Variants in ZNF678 observed in about 807,000 individuals in gnomAD.
ZNF678 encodes the protein hypothetical protein MGC42493.
A neutral mutation model predicts 3.0 loss-of-function variants in ZNF678; 5 were observed. The ratio of observed to expected loss-of-function variants is 1.69; its 90% CI spans 0.88 to 3.56. The LOEUF is 3.56. Ranked by LOEUF, ZNF678 falls within the 30% of genes most tolerant of loss-of-function variation. ZNF678 has a pLI of 0.00. For missense variants in ZNF678, 593 were observed against 605.0 expected (o/e 0.98, Z 0.21); for synonymous variants, 218 against 199.6 (o/e 1.09, Z -0.78).
chr1:227,637,422 T>A (rs1658707024), intron 1 of ZNF678, among the ~76,000 whole-genome samples: 1 of 152,094 alleles, frequency 6.6e-6, no homozygotes, highest in African/African-American at 2.4e-5. Flanking sequence ...GTTTTAGGCT[T>A]TCAAGGGTGA....
intron 2 of ZNF678, among the ~76,000 whole-genome samples, chr1:227,650,366 A>G (rs953323345): frequency 1.3e-5 from 2 of 151,864 alleles, no homozygotes; most frequent in African/African-American, 2.4e-5. Flanking sequence ...CTTTTTTTGT[A>G]TCTATTTTGT....
chr1:227,617,875 C>T (rs144695914), intron 1 of ZNF678, among the ~76,000 whole-genome samples: 151 of 152,240 alleles, frequency 9.9e-4, no homozygotes, highest in African/African-American at 3.4e-3. Context: ...GCTAGGATGA[C>T]CCATTTTGTG....
At chr1:227,608,349 T>G (rs905311222) in intron 1 of ZNF678, among the ~76,000 whole-genome samples, 8 of 152,106 alleles carry the variant, frequency 5.3e-5, no homozygotes, top group Non-Finnish European at 1.2e-4. Flanking sequence ...TCAACAAAGC[T>G]ATCTTAAAAT....
chr1:227,567,722 T>C (rs1014153338), intron 1 of ZNF678, among the ~76,000 whole-genome samples: 1 of 152,086 alleles, frequency 6.6e-6, no homozygotes, highest in African/African-American at 2.4e-5. Flanking sequence ...TTTTTTATTT[T>C]TTTTCCTCCA....
At chr1:227,604,684 C>T (rs181696386) in intron 1 of ZNF678, among the ~76,000 whole-genome samples, 13 of 152,118 alleles carry the variant, frequency 8.5e-5, no homozygotes, top group South Asian at 2.1e-4. Flanking sequence ...TCACTGCACC[C>T]GGCCTCCCTG....
At chr1:227,635,515 T>TG (rs1658652959) in intron 1 of ZNF678, among the ~76,000 whole-genome samples, 8 of 127,936 alleles carry the variant, frequency 6.3e-5, no homozygotes, top group Non-Finnish European at 1.3e-4. Context: ...GGGTGAACAT[T>TG]TGTGTGTGTG....
chr1:227,677,126 C>G (rs958451247), intron 5 of ZNF678: 1 of 152,152 alleles, frequency 6.6e-6, no homozygotes, highest in African/African-American at 2.4e-5. Context: ...GAACTAGAAT[C>G]AATTCTTAAG....
intron 1 of ZNF678, among the ~76,000 whole-genome samples, chr1:227,635,954 G>A (rs1167441499): frequency 2.0e-5 from 3 of 152,268 alleles, no homozygotes; most frequent in Admixed American, 1.3e-4. Context: ...TACTTCAGGC[G>A]TGACATGGGG....
At chr1:227,578,046 G>A (rs1657030519) in intron 1 of ZNF678, among the ~76,000 whole-genome samples, 1 of 152,154 alleles carries the variant, frequency 6.6e-6, no homozygotes, top group Non-Finnish European at 1.5e-5. Context: ...TTTTCCTTAA[G>A]AATGTCGAAT....
intron 1 of ZNF678, among the ~76,000 whole-genome samples, chr1:227,565,823 GATCTTGGCTCACT>G (rs1344741588): frequency 6.6e-6 from 1 of 152,160 alleles, no homozygotes; most frequent in Non-Finnish European, 1.5e-5. Context: ...GCAGTGGCCT[GATCTTGGCTCACT>G]GCAAGCTCCG....
intron 1 of ZNF678, among the ~76,000 whole-genome samples, chr1:227,630,858 C>T (rs1658531205): frequency 6.6e-6 from 1 of 152,158 alleles, no homozygotes; most frequent in Non-Finnish European, 1.5e-5. Context: ...GCATAAATTA[C>T]ACTTTTTACA....
At chr1:227,616,767 T>G (rs972309317) in intron 1 of ZNF678, among the ~76,000 whole-genome samples, 1 of 152,218 alleles carries the variant, frequency 6.6e-6, no homozygotes, top group Non-Finnish European at 1.5e-5. Context: ...GCATTCATAT[T>G]ATGCAGAAAA....
chr1:227,668,763 G>A (rs981554684), intron 5 of ZNF678, among the ~76,000 whole-genome samples: 1 of 152,134 alleles, frequency 6.6e-6, no homozygotes, highest in Non-Finnish European at 1.5e-5. Context: ...GGATCTATTT[G>A]TATTCTTCTG....
intron 1 of ZNF678, among the ~76,000 whole-genome samples, chr1:227,612,100 G>T (rs1409860250): frequency 5.9e-5 from 9 of 152,122 alleles, no homozygotes; most frequent in African/African-American, 2.2e-4. Flanking sequence ...GCTGCAGCAG[G>T]GGTGTACCTA....
rs138274610 is a variant in ZNF678, at chr1:227,636,067, G to A, written c.-163-10477G>A. On this transcript the variant is annotated intron_variant, in intron 1 of 3. Transcript: ENST00000343776. ...TTGTAGCAGGAGCATCGTCTGGATTGTCTGGCGGTTAACTGTAGTTTTAAC... is the reference window on the plus strand; with the variant it reads ...TTGTAGCAGGAGCATCGTCTGGATTATCTGGCGGTTAACTGTAGTTTTAAC... 5.5e-3 allele frequency among the ~76,000 whole-genome samples: 830 copies of A among 152,260 alleles called. 6 individuals are homozygous for A. The highest frequency in any genetic ancestry group is 0.019 in the African/African-American group (797 of 41,548).
intron 5 of ZNF678, among the ~76,000 whole-genome samples, chr1:227,669,272 C>T (rs1659559731): frequency 6.6e-6 from 1 of 152,142 alleles, no homozygotes. Flanking sequence ...AGACACTTTT[C>T]AAAGTAAGAC....
chr1:227,654,778 T>G lies in ZNF678; in HGVS notation c.528T>G (p.Thr176=), dbSNP rs755440813. The stretch of plus-strand genomic sequence containing the variant: ...TAACTAACCATAAGAAAATTCATAC[T>G]GGAGAGAAACCCTACAAATGTGATG... The part of the protein sequence containing the change: ...SQLTNHKKIH[T]GEKPYKCDEC... Residue 176 remains threonine, a synonymous_variant, in exon 4 of 4, where the codon ACT becomes ACG. Transcript: ENST00000343776. 1.2e-6 allele frequency: 2 copies of G among 1,613,354 alleles called. No homozygotes were observed. The highest frequency in any genetic ancestry group is 1.7e-6 in the Non-Finnish European group (2 of 1,179,582).
At chr1:227,611,818 G>A (rs758673590) in intron 1 of ZNF678, among the ~76,000 whole-genome samples, 36 of 152,076 alleles carry the variant, frequency 2.4e-4, no homozygotes, top group Non-Finnish European at 4.3e-4. Context: ...ACACTGACAG[G>A]ATTTGAATTC....
At chr1:227,601,605 G>A (rs1454472492) in intron 1 of ZNF678, among the ~76,000 whole-genome samples, 1 of 151,430 alleles carries the variant, frequency 6.6e-6, no homozygotes, top group African/African-American at 2.4e-5. Flanking sequence ...CACTCTGCTG[G>A]CCAGGCTGAA....
Sources: allele counts gnomAD v4.1 joint callset (sites outside exome capture counted in the v4.1 genomes callset), GRCh38; gene constraint gnomAD v4.1.1; transcripts MANE v1.5; gene names NCBI Gene and HGNC (gene_info 2026-07-23, HGNC 2026-07-21).